JADE3: variants seen among roughly 807,000 people sequenced by gnomAD.
JADE3 encodes protein Jade-3.
A neutral mutation model predicts 50.1 loss-of-function variants in JADE3; 2 were observed. The observed-to-expected ratio is 0.04, with a 90% CI of 0.02 to 0.13. JADE3 has a LOEUF of 0.13. Ranked by LOEUF, JADE3 falls within the 10% of genes least tolerant of loss-of-function variation. The pLI is 1.00. For synonymous variants in JADE3, 218 were observed against 232.9 expected, an observed-to-expected ratio of 0.94 and a Z score of 0.58; for missense variants, 475 against 634.4, an observed-to-expected ratio of 0.75 and a Z score of 2.70.
At chrX:46,942,572 C>T (rs1217645064) in intron 1 of JADE3, among the ~76,000 whole-genome samples, 1 of 111,578 alleles carries the variant, frequency 9.0e-6, no homozygotes, top group African/African-American at 3.3e-5. Flanking sequence ...TTTGTCTTTT[C>T]GTACCAGTAC....
chrX:47,045,303 A>T (rs782121475), intron 8 of JADE3, among the ~76,000 whole-genome samples: 1 of 112,513 alleles, frequency 8.9e-6, no homozygotes, highest in Non-Finnish European at 1.9e-5. Context: ...CTATAAAAGG[A>T]GACAAAAAGA....
chrX:47,046,317 A>T (rs1929373807), intron 8 of JADE3, among the ~76,000 whole-genome samples: 1 of 111,839 alleles, frequency 8.9e-6, no homozygotes, highest in African/African-American at 3.2e-5. Flanking sequence ...ACAACCTACC[A>T]AGATTGAACC....
intron 8 of JADE3, among the ~76,000 whole-genome samples, chrX:47,050,548 CTA>C (rs1556371752): frequency 8.9e-6 from 1 of 112,095 alleles, no homozygotes; most frequent in Non-Finnish European, 1.9e-5. Context: ...AGATCTCCAG[CTA>C]TAAATACCAC....
chrX:46,926,740 A>G (rs1556339013), intron 1 of JADE3, among the ~76,000 whole-genome samples: 1 of 112,662 alleles, frequency 8.9e-6, no homozygotes, highest in Non-Finnish European at 1.9e-5. Context: ...TTTTGAGAGT[A>G]TCACATAAAT....
chrX:46,970,120 T>C (rs1556349952), intron 1 of JADE3, among the ~76,000 whole-genome samples: 2 of 112,406 alleles, frequency 1.8e-5, no homozygotes, highest in East Asian at 5.6e-4. Flanking sequence ...AATTTGGACA[T>C]TGGGATTTTT....
intron 1 of JADE3, among the ~76,000 whole-genome samples, chrX:46,927,333 G>T (rs961194221): frequency 8.9e-6 from 1 of 112,256 alleles, no homozygotes; most frequent in Non-Finnish European, 1.9e-5. Flanking sequence ...CATCTTTGAT[G>T]AATTAAAATG....
intron 1 of JADE3, among the ~76,000 whole-genome samples, chrX:46,956,460 T>C (rs1168303828): frequency 8.9e-6 from 1 of 112,977 alleles, no homozygotes; most frequent in Non-Finnish European, 1.9e-5. Context: ...ATATGATAAA[T>C]ACTCATATTC....
chrX:47,008,230 G>T (rs1569537187), intron 4 of JADE3, among the ~76,000 whole-genome samples: 1 of 111,757 alleles, frequency 8.9e-6, no homozygotes, highest in Non-Finnish European at 1.9e-5. Flanking sequence ...TGAAGAAAAT[G>T]GTTATGGTGA....
chrX:46,973,687 A>G (rs1451392019), intron 1 of JADE3, among the ~76,000 whole-genome samples: 1 of 112,426 alleles, frequency 8.9e-6, no homozygotes, highest in Non-Finnish European at 1.9e-5. Flanking sequence ...ATTAAAGCAC[A>G]GGCACTTAAA....
chrX:46,960,521 G>A (rs1239656601), intron 1 of JADE3, among the ~76,000 whole-genome samples: 2 of 112,102 alleles, frequency 1.8e-5, no homozygotes, highest in East Asian at 5.6e-4. Context: ...TCTCTAGTGG[G>A]CTTCCCTAGT....
intron 1 of JADE3, among the ~76,000 whole-genome samples, chrX:46,982,840 T>G (rs947628675): frequency 1.8e-5 from 2 of 110,759 alleles, no homozygotes; most frequent in Non-Finnish European, 3.8e-5. Context: ...TTGTTTTTGT[T>G]TTTTTGAGAT....
chrX:47,058,300 C>G lies in JADE3; in HGVS notation c.1695C>G (p.His565Gln). ...NSSTETDQQP[H>Q]SPDSSSSVHS... is the part of the protein sequence containing the mutation. ...CCACAGAAACCGATCAGCAGCCCCA[C>G]TCTCCTGACAGCAGCTCATCTGTTC... Residue 565 changes from histidine (H) to glutamine (Q), a missense_variant, in exon 11 of 11, where the codon CAC becomes CAG. Coordinates refer to ENST00000614628, the MANE Select transcript of JADE3 (RefSeq NM_014735.5). 1 of 1,211,321 alleles carries G rather than the reference C, an allele frequency of 8.3e-7. No homozygotes were observed. The highest frequency in any genetic ancestry group is 1.8e-5 in the South Asian group (1 of 56,928).
At position 47,054,330 on chromosome X, in the gene JADE3, C is replaced by T; in HGVS notation, c.1145C>T (p.Ala382Val). 8.3e-7 allele frequency: 1 copy of T among 1,210,768 alleles called. No individual in the cohort carries two copies. Among genetic ancestry groups the T allele is most frequent in the Non-Finnish European group, 1.1e-6 (1 of 895,263 alleles). The part of the protein sequence containing the change: ...LGEAEYPHHR[A>V]KEQSQAKSEK... ...GAAGCTGAGTACCCCCACCACAGGGCTAAAGAGCAGAGCCAGGCCAAAAGT... is the reference window on the plus strand; with the variant it reads ...GAAGCTGAGTACCCCCACCACAGGGTTAAAGAGCAGAGCCAGGCCAAAAGT... The change falls in exon 9 of 11, where the codon GCT becomes GTT. Residue 382 changes from alanine (A) to valine (V), a missense_variant. Around this residue, in one of 6 missense-constraint regions of JADE3, gnomAD observed 81 missense variants for 123.8 expected, o/e 0.65. Coordinates refer to ENST00000614628, the MANE Select transcript of JADE3 (RefSeq NM_014735.5).
At position 46,990,175 on chromosome X, in the gene JADE3, G is replaced by A. The variant is rs782308546; in HGVS notation, c.126+4383G>A. The stretch of plus-strand genomic sequence containing the variant: ...TTGTCAGATAATTCTAACATCTGTG[G>A]ATCTCAGTGTTGATGCCTGTTGATT... On this transcript the variant is annotated intron_variant, in intron 3 of 10. Coordinates refer to ENST00000614628, the MANE Select transcript of JADE3 (RefSeq NM_014735.5). Among the ~76,000 whole-genome samples, 5 of 111,465 alleles carry A rather than the reference G, an allele frequency of 4.5e-5. No individual in the cohort carries two copies. In the East Asian group the frequency reaches 1.4e-3, roughly 31 times the overall value.
chrX:47,021,142 C>A, intron 4 of JADE3, among the ~76,000 whole-genome samples: 1 of 110,145 alleles, frequency 9.1e-6, no homozygotes, highest in Admixed American at 9.7e-5. Context: ...CTTCTCCCTG[C>A]CAGTAACTGA....
chrX:46,950,185 A>G (rs1244206650), intron 1 of JADE3, among the ~76,000 whole-genome samples: 4 of 112,268 alleles, frequency 3.6e-5, no homozygotes, highest in South Asian at 7.4e-4. Context: ...CTGCATAAGT[A>G]TATAATTCAA....
intron 7 of JADE3, 76 bp downstream of exon 7, chrX:47,033,864 G>GTCTGGAAT: frequency 1.1e-6 from 1 of 871,423 alleles, no homozygotes; most frequent in Admixed American, 3.5e-5. Context: ...GACTGACTCA[G>GTCTGGAAT]GCTCAGTATG....
At chrX:46,959,409 A>G (rs1205234038) in intron 1 of JADE3, among the ~76,000 whole-genome samples, 1 of 111,962 alleles carries the variant, frequency 8.9e-6, no homozygotes, top group Non-Finnish European at 1.9e-5. Context: ...TTCTTCATTC[A>G]TATGTTTGAT....
intron 5 of JADE3, among the ~76,000 whole-genome samples, chrX:47,025,723 G>A (rs1928893063): frequency 8.9e-6 from 1 of 111,985 alleles, no homozygotes; most frequent in Non-Finnish European, 1.9e-5. Context: ...AAGTTTTCCT[G>A]TAGATCTGTG....
Sources: allele counts gnomAD v4.1 joint callset (sites outside exome capture counted in the v4.1 genomes callset), GRCh38; gene constraint gnomAD v4.1.1; regional missense constraint gnomAD v4.1.1; transcripts MANE v1.5; gene names NCBI Gene and HGNC (gene_info 2026-07-23, HGNC 2026-07-21).